Variants in ERMP1 observed in about 807,000 individuals in gnomAD.
ERMP1 encodes Felix-ina.
Under a neutral mutation model 92.0 loss-of-function variants are expected in ERMP1, and 86 were observed. That is an observed-to-expected ratio of 0.93 (90% CI 0.79 to 1.12). ERMP1 has a LOEUF of 1.12. Ranked by LOEUF, ERMP1 falls within the 50% of genes most tolerant of loss-of-function variation. The pLI is 0.00. For synonymous variants in ERMP1, 530 were observed against 412.8 expected (o/e 1.28, Z -3.44); for missense variants, 1,342 against 1,116.3 (o/e 1.20, Z -2.88).
At chr9:5,793,576 A>G (rs1411500690) in intron 13 of ERMP1, among the ~76,000 whole-genome samples, 1 of 152,114 alleles carries the variant, frequency 6.6e-6, no homozygotes, top group Non-Finnish European at 1.5e-5. Context: ...ATGAAGGCAC[A>G]TAAATTAAGA....
At chr9:5,793,159 T>C (rs1462321447) in intron 13 of ERMP1, among the ~76,000 whole-genome samples, 1 of 152,158 alleles carries the variant, frequency 6.6e-6, no homozygotes, top group Non-Finnish European at 1.5e-5. Context: ...ATTAGGATTA[T>C]TTTGTTATTA....
intron 6 of ERMP1, among the ~76,000 whole-genome samples, chr9:5,843,750 A>G (rs1181438237): frequency 6.6e-6 from 1 of 152,242 alleles, no homozygotes; most frequent in Non-Finnish European, 1.5e-5. Flanking sequence ...GCTACAACAA[A>G]TGTTCTGAAA....
At chr9:5,835,064 T>C (rs1830076092), upstream of ERMP1, among the ~76,000 whole-genome samples, 1 of 151,256 alleles carries the variant, frequency 6.6e-6, no homozygotes, top group African/African-American at 2.4e-5. Context: ...AAACTATTTT[T>C]CAGAATTTTC....
rs545308486 is a variant in ERMP1, at chr9:5,860,394, G to A, written n.3056-783C>T. 7.8e-4 allele frequency among the ~76,000 whole-genome samples: 118 copies of A among 152,232 alleles called. 4 individuals are homozygous for A. The South Asian group carries it at 0.023, about 30-fold the overall frequency. The stretch of plus-strand genomic sequence containing the variant: ...TTTACTGCCAGCAAGCACAGTGAGG[G>A]CAGGAGCTCTGTTCCATTCATCTTT... On this transcript the variant is annotated intron_variant and non_coding_transcript_variant, in intron 5 of 6. Transcript: ENST00000690753.
intron 6 of ERMP1, among the ~76,000 whole-genome samples, chr9:5,852,931 A>T (rs1332800458): frequency 6.6e-6 from 1 of 152,214 alleles, no homozygotes; most frequent in Non-Finnish European, 1.5e-5. Context: ...CAAACAAACC[A>T]GCAAAAACCT....
chr9:5,804,221 A>C (rs181120167), intron 10 of ERMP1, among the ~76,000 whole-genome samples: 2 of 152,100 alleles, frequency 1.3e-5, no homozygotes, highest in African/African-American at 4.8e-5. Flanking sequence ...ATTACTTTTT[A>C]TTCTTAGGAA....
At chr9:5,821,489 G>A (rs1829534195) in intron 4 of ERMP1, among the ~76,000 whole-genome samples, 1 of 152,156 alleles carries the variant, frequency 6.6e-6, no homozygotes, top group Non-Finnish European at 1.5e-5. Flanking sequence ...TAAGGACTCT[G>A]GGCTGCCCAG....
rs150460895 is a variant in ERMP1, at chr9:5,812,391, A to G, written c.1022-174T>C. On this transcript the variant is annotated intron_variant, in intron 5 of 14. Coordinates refer to ENST00000339450, the MANE Select transcript of ERMP1 (RefSeq NM_024896.3). ...TCTCTTCCAAATTCTTACACAGTCT[A>G]TAGCTTTGGTACATAATTCGATACA... is the stretch of plus-strand genomic sequence containing the variant. Among the ~76,000 whole-genome samples, 11 of 152,350 alleles carry G rather than the reference A, an allele frequency of 7.2e-5. No homozygotes were observed. The East Asian group carries it at 1.2e-3, about 16-fold the overall frequency.
chr9:5,816,363 T>A (rs1416534238), intron 4 of ERMP1, among the ~76,000 whole-genome samples: 3 of 152,236 alleles, frequency 2.0e-5, no homozygotes, highest in Admixed American at 6.5e-5. Context: ...GAGATGATCA[T>A]CCTGAGATTA....
intron 6 of ERMP1, among the ~76,000 whole-genome samples, chr9:5,840,065 A>G (rs1016870551): frequency 6.6e-6 from 1 of 152,190 alleles, no homozygotes; most frequent in Non-Finnish European, 1.5e-5. Context: ...AACATGGTGA[A>G]ACCCCGTCTC....
chr9:5,802,565 T>C (rs576528146), intron 10 of ERMP1, among the ~76,000 whole-genome samples: 24 of 152,246 alleles, frequency 1.6e-4, no homozygotes, highest in Admixed American at 1.4e-3. Flanking sequence ...CTTGTGTTTT[T>C]AGTACAGACA....
intron 6 of ERMP1, among the ~76,000 whole-genome samples, chr9:5,848,862 G>T (rs972040811): frequency 2.6e-4 from 39 of 152,152 alleles, no homozygotes; most frequent in African/African-American, 9.2e-4. Flanking sequence ...GGTTCACAGG[G>T]GTGTTGGTTT....
chr9:5,860,122 C>T (rs1294802109), intron 5 of ERMP1, among the ~76,000 whole-genome samples: 1 of 132,972 alleles, frequency 7.5e-6, no homozygotes, highest in Non-Finnish European at 1.6e-5. Context: ...TATAGTGAGA[C>T]CTTGTCTCTA....
intron 8 of ERMP1, among the ~76,000 whole-genome samples, chr9:5,808,878 C>T (rs1828972718): frequency 6.6e-6 from 1 of 152,146 alleles, no homozygotes; most frequent in Non-Finnish European, 1.5e-5. Context: ...GCTGGGACTA[C>T]AGGCACACAC....
intron 2 of ERMP1, among the ~76,000 whole-genome samples, chr9:5,827,376 GA>G (rs905619290): frequency 2.0e-5 from 3 of 150,382 alleles, no homozygotes; most frequent in Non-Finnish European, 3.0e-5. Flanking sequence ...AATAAAAATT[GA>G]AAAAAAAATC....
At chr9:5,835,620 G>A (rs1336964180), upstream of ERMP1, among the ~76,000 whole-genome samples, 2 of 152,188 alleles carry the variant, frequency 1.3e-5, no homozygotes, top group African/African-American at 4.8e-5. Flanking sequence ...CACTAAAGCA[G>A]ACTGAGCCAG....
Position 5,791,634 on chromosome 9 carries a change from C to T in ERMP1, c.2387-4041G>A, listed in dbSNP as rs1036183839. ...TTAAAACACCTCACAAGCAAACAAA[C>T]TCTTTACAGCTTTTGAAGATGAGAA... On this transcript the variant is annotated intron_variant, in intron 13 of 14. Coordinates refer to ENST00000339450, the MANE Select transcript of ERMP1 (RefSeq NM_024896.3). Among the ~76,000 whole-genome samples, 4 of 151,286 alleles carry T rather than the reference C, an allele frequency of 2.6e-5. 1 individual carries two copies. The highest frequency in any genetic ancestry group is 5.9e-5 in the Non-Finnish European group (4 of 68,038).
intron 4 of ERMP1, among the ~76,000 whole-genome samples, chr9:5,819,659 T>G (rs1829455907): frequency 6.6e-6 from 1 of 152,244 alleles, no homozygotes. Context: ...CTATGGCACA[T>G]GTATTCCTAC....
At chr9:5,838,461 C>T (rs1374960687) in intron 6 of ERMP1, among the ~76,000 whole-genome samples, 1 of 151,800 alleles carries the variant, frequency 6.6e-6, no homozygotes. Flanking sequence ...GAGAGGATCG[C>T]TTCCAGGAGG....
Sources: allele counts gnomAD v4.1 joint callset (sites outside exome capture counted in the v4.1 genomes callset), GRCh38; gene constraint gnomAD v4.1.1; transcripts MANE v1.5; gene names NCBI Gene and HGNC (gene_info 2026-07-23, HGNC 2026-07-21).